GRIN3A: variants seen among roughly 807,000 people sequenced by gnomAD.
The protein encoded by GRIN3A is glutamate receptor ionotropic, NMDA 3A.
GRIN3A carries 47 observed loss-of-function variants against 92.4 expected under a neutral mutation model. That is an observed-to-expected ratio of 0.51 (90% CI 0.40 to 0.65). The LOEUF (loss-of-function observed/expected upper bound fraction) is 0.65, where lower values mean the gene tolerates loss of function less well. GRIN3A is among the 30% of genes least tolerant of loss of function. The pLI, the probability that GRIN3A is intolerant of heterozygous loss-of-function variation, is 0.00. For missense variants in GRIN3A, 1,324 were observed against 1,393.1 expected, an observed-to-expected ratio of 0.95 and a Z score of 0.79; for synonymous variants, 527 against 540.6, an observed-to-expected ratio of 0.97 and a Z score of 0.35.
chr9:101,669,048 A>T (rs940665447), intron 3 of GRIN3A, among the ~76,000 whole-genome samples: 1 of 152,198 alleles, frequency 6.6e-6, no homozygotes, highest in Admixed American at 6.5e-5. Context: ...TGCTTTAGAC[A>T]TGGTATGTCC....
intron 3 of GRIN3A, among the ~76,000 whole-genome samples, chr9:101,653,858 C>T (rs1829046680): frequency 6.6e-6 from 1 of 151,638 alleles, no homozygotes; most frequent in Non-Finnish European, 1.5e-5. Flanking sequence ...CATCACTAAG[C>T]TGAAAAAATA....
chr9:101,689,044 C>T (rs1829578227), intron 1 of GRIN3A, among the ~76,000 whole-genome samples: 1 of 152,070 alleles, frequency 6.6e-6, no homozygotes, highest in East Asian at 1.9e-4. Flanking sequence ...TTTCCTCACT[C>T]CTCATTTTGA....
At chr9:101,613,202 T>C (rs1315820717) in intron 6 of GRIN3A, among the ~76,000 whole-genome samples, 174 bp downstream of exon 6, 2 of 152,212 alleles carry the variant, frequency 1.3e-5, no homozygotes, top group African/African-American at 4.8e-5. Flanking sequence ...CACATCCCTG[T>C]AAATTCCTAT....
rs73494625 is a variant in GRIN3A, at chr9:101,623,504, C to T, written c.2499-71G>A. The T allele has an allele frequency of 2.3e-3, 2,614 of 1,136,724 alleles. 34 individuals carry two copies. In the African/African-American group the frequency reaches 0.031, roughly 14 times the overall value. 70.4% of individuals were successfully genotyped at this position (1,136,724 alleles called of 1,614,324 possible). A position where few individuals can be genotyped will look rare whatever the true frequency, so the allele number is the denominator to read the frequency against. ...GGAAGGAAGCATGAAGGCTGACAGCCGGCTTTTGTTTAGGGGACAGAACCC... is the reference window on the plus strand; with the variant it reads ...GGAAGGAAGCATGAAGGCTGACAGCTGGCTTTTGTTTAGGGGACAGAACCC... On this transcript the variant is annotated intron_variant, in intron 4 of 8. Coordinates refer to ENST00000361820, the MANE Select transcript of GRIN3A (RefSeq NM_133445.3).
rs1055477816 is a variant in GRIN3A, at chr9:101,671,891, T to G, written c.1305-784A>C. On this transcript the variant is annotated intron_variant, in intron 2 of 8. Transcript: ENST00000361820. Reference sequence around the variant, plus strand: ...AAGGAAAATTACCAACTAAATAATATAGTGATTCCTAACCCTGTGAACTAG... The same window carrying G: ...AAGGAAAATTACCAACTAAATAATAGAGTGATTCCTAACCCTGTGAACTAG... Among the ~76,000 whole-genome samples the G allele has an allele frequency of 2.0e-5, 3 of 152,128 alleles. No individual in the cohort carries two copies. The East Asian group carries it at 5.8e-4, about 29-fold the overall frequency.
At position 101,633,678 on chromosome 9, in the gene GRIN3A, C is replaced by T. The variant is rs193035037; in HGVS notation, c.2353-5277G>A. Among the ~76,000 whole-genome samples the T allele has an allele frequency of 2.8e-3, 427 of 152,236 alleles. 12 individuals are homozygous for T. The highest frequency in any genetic ancestry group is 2.9e-3 in the Non-Finnish European group (198 of 68,022). Reference sequence around the variant, plus strand: ...GCAAATGTGAGAGATCTAGGTTGCACATCCCTTACAAGAATCTAATGATAA... The same window carrying T: ...GCAAATGTGAGAGATCTAGGTTGCATATCCCTTACAAGAATCTAATGATAA... On this transcript the variant is annotated intron_variant, in intron 3 of 8. Coordinates refer to ENST00000361820, the MANE Select transcript of GRIN3A (RefSeq NM_133445.3).
intron 2 of GRIN3A, among the ~76,000 whole-genome samples, chr9:101,672,544 C>G (rs1829341809): frequency 6.6e-6 from 1 of 152,020 alleles, no homozygotes; most frequent in Non-Finnish European, 1.5e-5. Flanking sequence ...AGTGTAGGCT[C>G]TTAGCAAAAC....
chr9:101,576,154 C>T (rs1369169760), intron 8 of GRIN3A, among the ~76,000 whole-genome samples: 2 of 152,136 alleles, frequency 1.3e-5, no homozygotes, highest in South Asian at 2.1e-4. Flanking sequence ...TTCAAGCCTT[C>T]GTCAGTCTTA....
At chr9:101,730,529 G>A (rs1259793656) in intron 1 of GRIN3A, among the ~76,000 whole-genome samples, 1 of 152,150 alleles carries the variant, frequency 6.6e-6, no homozygotes, top group African/African-American at 2.4e-5. Flanking sequence ...TGTTTTCCAA[G>A]GTAGGATGTC....
chr9:101,685,607 C>T (rs1829523987), intron 2 of GRIN3A, among the ~76,000 whole-genome samples: 1 of 151,916 alleles, frequency 6.6e-6, no homozygotes, highest in South Asian at 2.1e-4. Context: ...AAACCATTTC[C>T]ATATGATGTG....
At position 101,702,962 on chromosome 9, in the gene GRIN3A, ATCACTTTCATC is replaced by A. The variant is rs148640678; in HGVS notation, c.700-15773_700-15763del. On this transcript the variant is annotated intron_variant, in intron 1 of 8. Coordinates refer to ENST00000361820, the MANE Select transcript of GRIN3A (RefSeq NM_133445.3). The stretch of plus-strand genomic sequence containing the variant: ...CACTCCAAAATATATCCTGAATTCA[ATCACTTTCATC>A]ATCTCCTTGCTTGTACAGTAAGCCT... Among the ~76,000 whole-genome samples, 484 of 152,212 alleles carry A rather than the reference ATCACTTTCATC, an allele frequency of 3.2e-3. 1 individual carries two copies. The highest frequency in any genetic ancestry group is 0.011 in the African/African-American group (459 of 41,534).
chr9:101,733,791 T>G (rs540181896), intron 1 of GRIN3A, among the ~76,000 whole-genome samples: 1 of 152,334 alleles, frequency 6.6e-6, no homozygotes, highest in East Asian at 1.9e-4. Flanking sequence ...ATATCGCTCA[T>G]GAAGCAGGCA....
chr9:101,688,008 T>C (rs1019944164), intron 1 of GRIN3A, among the ~76,000 whole-genome samples: 2 of 152,232 alleles, frequency 1.3e-5, no homozygotes, highest in African/African-American at 4.8e-5. Flanking sequence ...TGTTAATTGT[T>C]GTCCTCAAGA....
At chr9:101,634,929 TG>T (rs1276592251) in intron 3 of GRIN3A, among the ~76,000 whole-genome samples, 6 of 152,218 alleles carry the variant, frequency 3.9e-5, no homozygotes, top group African/African-American at 1.4e-4. Context: ...ACTCATGCTC[TG>T]AATATTAGAA....
intron 6 of GRIN3A, 150 bp from the exon 7 acceptor site, chr9:101,579,510 A>G: frequency 1.2e-6 from 1 of 807,014 alleles, no homozygotes. Context: ...TGTGACCTTC[A>G]TTATACATCA....
At chr9:101,684,920 A>T (rs189854521) in intron 2 of GRIN3A, among the ~76,000 whole-genome samples, 367 of 152,308 alleles carry the variant, frequency 2.4e-3, no homozygotes, top group African/African-American at 8.0e-3. Flanking sequence ...TTTTGTTGTA[A>T]AGGAGAATGT....
chr9:101,626,647 G>A (rs1181049387), intron 4 of GRIN3A, among the ~76,000 whole-genome samples: 1 of 152,234 alleles, frequency 6.6e-6, no homozygotes, highest in Non-Finnish European at 1.5e-5. Context: ...GATGCAGTAA[G>A]TTTGGGATGA....
At chr9:101,690,911 A>G (rs1829607653) in intron 1 of GRIN3A, among the ~76,000 whole-genome samples, 1 of 152,166 alleles carries the variant, frequency 6.6e-6, no homozygotes, top group African/African-American at 2.4e-5. Flanking sequence ...ATTACATCAT[A>G]TATTAAAAAT....
intron 6 of GRIN3A, among the ~76,000 whole-genome samples, chr9:101,607,243 A>G (rs572986239): frequency 6.6e-6 from 1 of 152,238 alleles, no homozygotes; most frequent in African/African-American, 2.4e-5. Context: ...GAATAGGTCA[A>G]GGTTCTCACA....
Sources: gnomAD v4.1 joint callset for allele counts (sites outside exome capture counted in the v4.1 genomes callset) on GRCh38, gnomAD v4.1.1 for gene constraint, MANE v1.5 for transcripts, NCBI Gene and HGNC (gene_info 2026-07-23, HGNC 2026-07-21) for gene names.